Variants in COMMD1 observed in about 807,000 individuals in gnomAD.
COMMD1 encodes COMM domain-containing protein 1.
Under a neutral mutation model 17.2 loss-of-function variants are expected in COMMD1, and 10 were observed. The observed-to-expected ratio is 0.58, with a 90% CI of 0.36 to 0.99. COMMD1 has a LOEUF of 0.99. COMMD1 is among the 50% of genes least tolerant of loss of function. The pLI is 0.01. For missense variants in COMMD1, 270 were observed against 231.8 expected (o/e 1.17, Z -1.07); for synonymous variants, 97 against 91.6 (o/e 1.06, Z -0.34).
chr2:62,065,032 G>A (rs1209629127), intron 2 of COMMD1, among the ~76,000 whole-genome samples: 1 of 152,070 alleles, frequency 6.6e-6, no homozygotes, highest in Non-Finnish European at 1.5e-5. Flanking sequence ...GCTGGGCATG[G>A]CGGCAAGCAC....
intron 1 of COMMD1, among the ~76,000 whole-genome samples, chr2:61,964,146 A>C (rs1233775042): frequency 2.0e-5 from 3 of 152,252 alleles, no homozygotes; most frequent in Non-Finnish European, 4.4e-5. Flanking sequence ...CTTAGCTGCC[A>C]TAGCAATCAT....
At chr2:61,954,415 G>T (rs1361158066) in intron 1 of COMMD1, among the ~76,000 whole-genome samples, 1 of 152,052 alleles carries the variant, frequency 6.6e-6, no homozygotes. Context: ...CCCTCCCATG[G>T]CTTGTTTTGT....
At chr2:61,947,054 A>G (rs1337128679) in intron 1 of COMMD1, among the ~76,000 whole-genome samples, 1 of 152,178 alleles carries the variant, frequency 6.6e-6, no homozygotes, top group Non-Finnish European at 1.5e-5. Flanking sequence ...TTTTTAGCAG[A>G]TTAGTAAATT....
intron 1 of COMMD1, among the ~76,000 whole-genome samples, chr2:61,889,444 A>G (rs944186841): frequency 7.2e-5 from 11 of 151,856 alleles, no homozygotes; most frequent in Non-Finnish European, 1.5e-4. Flanking sequence ...TCCCCGGCTC[A>G]AAGCGGTCCA....
chr2:61,997,562 A>G (rs1668801634), intron 1 of COMMD1, among the ~76,000 whole-genome samples: 1 of 152,196 alleles, frequency 6.6e-6, no homozygotes, highest in African/African-American at 2.4e-5. Context: ...CAGTAGTTTT[A>G]CGTAAAATAT....
intron 2 of COMMD1, among the ~76,000 whole-genome samples, chr2:62,061,006 AT>A (rs1670841282): frequency 6.6e-6 from 1 of 151,200 alleles, no homozygotes; most frequent in South Asian, 2.1e-4. Flanking sequence ...CTTTTAGGGA[AT>A]TTTTTCTTTT....
chr2:61,987,235 G>C (rs191118489), intron 1 of COMMD1, among the ~76,000 whole-genome samples: 1 of 152,222 alleles, frequency 6.6e-6, no homozygotes, highest in Admixed American at 6.5e-5. Flanking sequence ...GGATGGTCTC[G>C]ATGCTTGTGG....
At chr2:61,961,347 A>G (rs1375901047) in intron 1 of COMMD1, among the ~76,000 whole-genome samples, 1 of 152,178 alleles carries the variant, frequency 6.6e-6, no homozygotes, top group East Asian at 1.9e-4. Flanking sequence ...AAACTTTTTA[A>G]ATTGGGCAAG....
intron 2 of COMMD1, among the ~76,000 whole-genome samples, chr2:62,003,767 G>A (rs114183807): frequency 0.012 from 1,846 of 152,112 alleles, 40 homozygotes; most frequent in African/African-American, 0.043. Flanking sequence ...TTAACATTTG[G>A]TCAGGAATAT....
chr2:61,930,079 A>G (rs1291307062), intron 1 of COMMD1, among the ~76,000 whole-genome samples: 2 of 152,330 alleles, frequency 1.3e-5, no homozygotes, highest in Admixed American at 1.3e-4. Flanking sequence ...TGAAAAGTCC[A>G]GGTGACTGCT....
At chr2:61,925,314 A>C (rs1345919299) in intron 1 of COMMD1, among the ~76,000 whole-genome samples, 2 of 152,046 alleles carry the variant, frequency 1.3e-5, no homozygotes, top group African/African-American at 4.8e-5. Context: ...CAGGCGAGGA[A>C]GTTTACTAAC....
At chr2:62,054,316 C>A (rs1019960036) in intron 2 of COMMD1, among the ~76,000 whole-genome samples, 3 of 152,088 alleles carry the variant, frequency 2.0e-5, no homozygotes, top group African/African-American at 7.2e-5. Context: ...AATGGAACTA[C>A]CATTTGACCC....
chr2:62,059,803 G>T (rs1266014664), intron 2 of COMMD1, among the ~76,000 whole-genome samples: 1 of 152,126 alleles, frequency 6.6e-6, no homozygotes, highest in African/African-American at 2.4e-5. Flanking sequence ...TGCATCTATT[G>T]TAGATAGTTC....
intron 1 of COMMD1, among the ~76,000 whole-genome samples, chr2:61,970,879 T>C (rs994574270): frequency 2.6e-5 from 4 of 152,200 alleles, no homozygotes; most frequent in Middle Eastern, 3.2e-3. Flanking sequence ...TCTGTTATAT[T>C]TGGTCATAGA....
At chr2:61,975,797 T>C (rs996651730) in intron 1 of COMMD1, among the ~76,000 whole-genome samples, 7 of 152,194 alleles carry the variant, frequency 4.6e-5, no homozygotes, top group Non-Finnish European at 1.0e-4. Context: ...CTGTTTTTGA[T>C]TTCTAGTTTA....
At chr2:62,124,009 G>A (rs1358905771) in intron 2 of COMMD1, among the ~76,000 whole-genome samples, 1 of 149,880 alleles carries the variant, frequency 6.7e-6, no homozygotes, top group African/African-American at 2.5e-5. Context: ...CACAGTTAAA[G>A]TTCCTCCCAG....
chr2:62,094,454 G>C (rs1399722684), intron 2 of COMMD1, among the ~76,000 whole-genome samples: 4 of 152,164 alleles, frequency 2.6e-5, no homozygotes, highest in Non-Finnish European at 5.9e-5. Flanking sequence ...GAAATAACCA[G>C]TTGGTCTGTG....
intron 2 of COMMD1, among the ~76,000 whole-genome samples, chr2:62,098,219 C>T (rs1460266884): frequency 3.4e-5 from 5 of 147,196 alleles, no homozygotes; most frequent in Non-Finnish European, 5.9e-5. Context: ...TGCAATGGCG[C>T]GATCTTGGCT....
Position 61,934,001 on chromosome 2 carries a change from T to C in COMMD1, c.180+28143T>C, listed in dbSNP as rs557976482. Reference sequence around the variant, plus strand: ...GCTGGTCTCAAACTCCCAACCTCAGTTGATCTGCCCACCTCAGCCTCTCAA... The same window carrying C: ...GCTGGTCTCAAACTCCCAACCTCAGCTGATCTGCCCACCTCAGCCTCTCAA... On this transcript the variant is annotated intron_variant, in intron 1 of 2. Transcript: ENST00000311832. 1.7e-4 allele frequency among the ~76,000 whole-genome samples: 26 copies of C among 152,216 alleles called. No homozygotes were observed. In the East Asian group the frequency reaches 4.8e-3, roughly 28 times the overall value.
Sources: gnomAD v4.1 joint callset for allele counts (sites outside exome capture counted in the v4.1 genomes callset) on GRCh38, gnomAD v4.1.1 for gene constraint, MANE v1.5 for transcripts, NCBI Gene and HGNC (gene_info 2026-07-23, HGNC 2026-07-21) for gene names.